The following FGF12 variants were observed in gnomAD, a reference collection of about 807,000 sequenced individuals.
FGF12 encodes the protein fibroblast growth factor 12, also known as fibroblast growth factor 12B.
FGF12 carries 14 observed loss-of-function variants against 23.6 expected under a neutral mutation model. That is an observed-to-expected ratio of 0.59 (90% CI 0.39 to 0.93). The LOEUF (loss-of-function observed/expected upper bound fraction) is 0.93, where lower values mean the gene tolerates loss of function less well. FGF12 is among the 40% of genes least tolerant of loss of function. The pLI is 0.00. For synonymous variants in FGF12, 62 were observed against 77.3 expected, an observed-to-expected ratio of 0.80 and a Z score of 1.04; for missense variants, 175 against 217.8, an observed-to-expected ratio of 0.80 and a Z score of 1.24.
intron 2 of FGF12, among the ~76,000 whole-genome samples, chr3:192,601,936 G>T (rs1171400835): frequency 6.6e-6 from 1 of 151,944 alleles, no homozygotes; most frequent in Non-Finnish European, 1.5e-5. Context: ...AAGTATTTTT[G>T]TTTCACAGTT....
chr3:192,471,104 G>T (rs987143922), intron 2 of FGF12, among the ~76,000 whole-genome samples: 1 of 152,144 alleles, frequency 6.6e-6, no homozygotes, highest in Admixed American at 6.5e-5. Context: ...GCTCTTCAAG[G>T]CCTGTTCATT....
chr3:192,332,546 T>C (rs932501139), intron 4 of FGF12, among the ~76,000 whole-genome samples: 5 of 152,106 alleles, frequency 3.3e-5, no homozygotes, highest in African/African-American at 1.2e-4. Flanking sequence ...CTCTTAAAAC[T>C]ATAGCTCTGT....
intron 2 of FGF12, among the ~76,000 whole-genome samples, chr3:192,617,629 G>A (rs1714812249): frequency 6.6e-6 from 1 of 152,126 alleles, no homozygotes; most frequent in South Asian, 2.1e-4. Flanking sequence ...ACCAACCTGA[G>A]GCTCTTATTA....
At chr3:192,313,758 T>C (rs1161741064) in intron 4 of FGF12, among the ~76,000 whole-genome samples, 1 of 152,216 alleles carries the variant, frequency 6.6e-6, no homozygotes. Flanking sequence ...TGTATGCATA[T>C]CTATGCTTCA....
intron 4 of FGF12, among the ~76,000 whole-genome samples, chr3:192,199,151 C>A (rs533849200): frequency 1.3e-5 from 2 of 152,280 alleles, no homozygotes; most frequent in East Asian, 3.9e-4. Flanking sequence ...CATGTTACTT[C>A]GTCTCTCTTG....
At chr3:192,680,144 T>G (rs988939065) in intron 2 of FGF12, among the ~76,000 whole-genome samples, 3 of 151,964 alleles carry the variant, frequency 2.0e-5, no homozygotes, top group African/African-American at 4.8e-5. Context: ...ACAGATACCG[T>G]AGGGAGTCAG....
At chr3:192,356,530 A>G (rs1232025167) in intron 3 of FGF12, among the ~76,000 whole-genome samples, 1 of 152,154 alleles carries the variant, frequency 6.6e-6, no homozygotes, top group Non-Finnish European at 1.5e-5. Flanking sequence ...GTTCCAACAC[A>G]GTTTTGTGCT....
intron 4 of FGF12, among the ~76,000 whole-genome samples, chr3:192,193,004 T>C (rs1019712037): frequency 2.6e-5 from 4 of 152,162 alleles, no homozygotes; most frequent in African/African-American, 9.7e-5. Context: ...GTTGCTGTAA[T>C]TGTCTTTTTG....
intron 2 of FGF12, among the ~76,000 whole-genome samples, chr3:192,571,519 GC>G (rs1712634499): frequency 6.6e-6 from 1 of 152,208 alleles, no homozygotes; most frequent in Non-Finnish European, 1.5e-5. Context: ...GGGACCCACT[GC>G]CCGGGTCCAG....
At chr3:192,670,868 G>C (rs1305459885) in intron 2 of FGF12, among the ~76,000 whole-genome samples, 1 of 152,158 alleles carries the variant, frequency 6.6e-6, no homozygotes, top group Non-Finnish European at 1.5e-5. Context: ...TCATGAAGGG[G>C]ACAGAAATTG....
rs73066518 is a variant in FGF12 at position 192,293,143 on chromosome 3, T to C, written c.228+42218A>G. ...CATTTAAATTTCTTTCATAGACATCTGAGAAAGAGATATTAAAGAAGGAAA... is the reference window on the plus strand; with the variant it reads ...CATTTAAATTTCTTTCATAGACATCCGAGAAAGAGATATTAAAGAAGGAAA... On this transcript the variant is annotated intron_variant, in intron 4 of 5. Transcript: ENST00000445105. Among the ~76,000 whole-genome samples, 222 of 152,192 alleles carry C rather than the reference T, an allele frequency of 1.5e-3. 1 individual carries two copies. Among genetic ancestry groups the C allele is most frequent in the African/African-American group, 5.1e-3 (211 of 41,518 alleles).
intron 2 of FGF12, among the ~76,000 whole-genome samples, chr3:192,527,358 T>A (rs982020038): frequency 4.6e-5 from 7 of 152,202 alleles, no homozygotes; most frequent in Non-Finnish European, 1.0e-4. Flanking sequence ...AGGATAAAGA[T>A]CCTGGAAGAC....
chr3:192,721,611 G>T (rs1214371832), intron 2 of FGF12, among the ~76,000 whole-genome samples: 1 of 152,054 alleles, frequency 6.6e-6, no homozygotes, highest in Non-Finnish European at 1.5e-5. Context: ...AACCTAATAA[G>T]GTTGGTACTT....
chr3:192,593,754 G>C lies in FGF12; in HGVS notation c.13+133427C>G, dbSNP rs548640225. Reference sequence around the variant, plus strand: ...AAGTTCATTTTTCAATTCAAAGCTAGGCATTGATTTCTTTGTTCTGGGTTG... The same window carrying C: ...AAGTTCATTTTTCAATTCAAAGCTACGCATTGATTTCTTTGTTCTGGGTTG... On this transcript the variant is annotated intron_variant, in intron 2 of 5. Transcript: ENST00000445105. Among the ~76,000 whole-genome samples, 192 of 151,988 alleles carry C rather than the reference G, an allele frequency of 1.3e-3. 1 individual carries two copies. Among genetic ancestry groups the C allele is most frequent in the African/African-American group, 4.3e-3 (179 of 41,528 alleles).
At chr3:192,233,795 T>A (rs1719145177) in intron 4 of FGF12, among the ~76,000 whole-genome samples, 2 of 152,166 alleles carry the variant, frequency 1.3e-5, no homozygotes, top group Admixed American at 1.3e-4. Context: ...ATTTACTGAA[T>A]AGGGAGTCCT....
At chr3:192,223,318 G>C (rs888091974) in intron 4 of FGF12, among the ~76,000 whole-genome samples, 2 of 152,108 alleles carry the variant, frequency 1.3e-5, no homozygotes, top group Non-Finnish European at 2.9e-5. Context: ...GTAAATATCA[G>C]TGCATAGCTA....
chr3:192,690,036 A>G (rs1337249302), intron 2 of FGF12, among the ~76,000 whole-genome samples: 2 of 152,190 alleles, frequency 1.3e-5, no homozygotes, highest in African/African-American at 4.8e-5. Flanking sequence ...CTGCCAGCCA[A>G]AAATACATTA....
chr3:192,321,350 T>C, intron 4 of FGF12, among the ~76,000 whole-genome samples: 1 of 152,024 alleles, frequency 6.6e-6, no homozygotes, highest in Non-Finnish European at 1.5e-5. Flanking sequence ...CAGGACTTAG[T>C]GGATTCACTG....
intron 4 of FGF12, among the ~76,000 whole-genome samples, chr3:192,275,768 G>A (rs1161287427): frequency 6.6e-6 from 1 of 152,088 alleles, no homozygotes; most frequent in Non-Finnish European, 1.5e-5. Flanking sequence ...AAATATGAAT[G>A]TCAAGCCACG....
Sources: gnomAD v4.1 joint callset for allele counts (sites outside exome capture counted in the v4.1 genomes callset) on GRCh38, gnomAD v4.1.1 for gene constraint, MANE v1.5 for transcripts, NCBI Gene and HGNC (gene_info 2026-07-23, HGNC 2026-07-21) for gene names.